Variants in RBM12B observed in about 807,000 individuals in gnomAD.
RBM12B encodes RNA binding motif protein 12B, also known as RNA-binding protein 12B.
A neutral mutation model predicts 34.3 loss-of-function variants in RBM12B; 10 were observed. That is an observed-to-expected ratio of 0.29 (90% CI 0.18 to 0.49). The LOEUF (loss-of-function observed/expected upper bound fraction) is 0.49, where lower values mean the gene tolerates loss of function less well. Ranked by LOEUF, RBM12B falls within the 20% of genes least tolerant of loss-of-function variation. The probability of loss-of-function intolerance (pLI) is 0.99; values close to 1 mark genes in which losing one functional copy is unlikely to be tolerated. For missense variants in RBM12B, 1,139 were observed against 1,262.7 expected (o/e 0.90, Z 1.48); for synonymous variants, 477 against 437.1 (o/e 1.09, Z -1.14).
Position 93,733,528 on chromosome 8 carries a change from C to T in RBM12B, c.2883G>A (p.Glu961=). ...IPDSVSIQYN[E]QGLPTGEAIV... ...TGGCTTCCCCTGTAGGTAAGCCTTG[C>T]TCATTATACTGTATCGAAACTGAAT... Residue 961 remains glutamate (E), a synonymous_variant, in exon 4 of 4, where the codon GAG becomes GAA. Coordinates refer to ENST00000520560, the MANE Select transcript of RBM12B (RefSeq NM_001377960.1). 1.2e-6 allele frequency: 2 copies of T among 1,612,808 alleles called. No individual in the cohort carries two copies. The highest frequency in any genetic ancestry group is 1.7e-6 in the Non-Finnish European group (2 of 1,179,124).
chr8:93,735,276 C>T lies in RBM12B; in HGVS notation c.1135G>A (p.Glu379Lys). Residue 379 changes from glutamate (E) to lysine (K), a missense_variant, in exon 4 of 4, where the codon GAG (glutamate) becomes AAG (lysine). Physicochemically the swap from Glu to Lys is moderately conservative, Grantham distance 56 (BLOSUM62 1). Coordinates refer to ENST00000520560, the MANE Select transcript of RBM12B (RefSeq NM_001377960.1). ...RYEKKRSGSL[E>K]RDRPGHVSQK... ...GAAACATGTCCGGGCCTATCTCTCT[C>T]TAGTGACCCTGATCTCTTCTTTTCA... is the stretch of plus-strand genomic sequence containing the variant. 1 of 1,614,030 alleles carries T rather than the reference C, an allele frequency of 6.2e-7. No homozygotes were observed.
At position 93,733,151 on chromosome 8, in the gene RBM12B, A is replaced by G. The variant is rs1811849278; in HGVS notation, c.*254T>C. The G allele has an allele frequency of 3.7e-6, 1 of 267,314 alleles. No individual in the cohort carries two copies. Among genetic ancestry groups the G allele is most frequent in the Non-Finnish European group, 6.9e-6 (1 of 144,110 alleles). The allele number at this position is 267,314 out of a possible 1,614,324, so 16.6% of individuals were successfully genotyped here. On this transcript the variant is annotated 3_prime_UTR_variant, in exon 4 of 4. Coordinates refer to ENST00000520560, the MANE Select transcript of RBM12B (RefSeq NM_001377960.1). ...GACATCAACAAAAATGAATGAACTC[A>G]GGGAATGAGTTCTTTCTCCCCATCA... is the stretch of plus-strand genomic sequence containing the variant.
In RBM12B at chr8:93,729,172, G is replaced by A. The variant is rs1235426112; in HGVS notation, c.*4233C>T. 4.6e-5 allele frequency: 7 copies of A among 151,916 alleles called. No homozygotes were observed. The East Asian group carries it at 5.8e-4, about 13-fold the overall frequency. 9.4% of individuals were successfully genotyped at this position (151,916 alleles called of 1,614,324 possible). ...TCCCAGGCAGGCATATAAAAGTTAC[G>A]GAATTTATAAAATCATTTGGGATAA... On this transcript the variant is annotated 3_prime_UTR_variant, in exon 4 of 4. Coordinates refer to ENST00000520560, the MANE Select transcript of RBM12B (RefSeq NM_001377960.1).
In RBM12B at chr8:93,733,452, T is replaced by G; in HGVS notation, c.2959A>C (p.Asn987His). The change falls in exon 4 of 4, where the codon AAT becomes CAT. Residue 987 changes from asparagine (N) to histidine (H), a missense_variant. Coordinates refer to ENST00000520560, the MANE Select transcript of RBM12B (RefSeq NM_001377960.1). The part of the protein sequence containing the change: ...NEAMAAIKDL[N>H]DRPVGPRKVK... ...TTTCGGGGCCCAACTGGCCTATCATTTAGATCTTTAATAGCAGCCATAGCT... is the reference window on the plus strand; with the variant it reads ...TTTCGGGGCCCAACTGGCCTATCATGTAGATCTTTAATAGCAGCCATAGCT... 2 of 1,574,126 alleles carry G rather than the reference T, an allele frequency of 1.3e-6. No individual in the cohort carries two copies. The highest frequency in any genetic ancestry group is 1.7e-6 in the Non-Finnish European group (2 of 1,161,060).
rs937363706 is a variant in RBM12B, at chr8:93,728,727, A to G, written c.*4678T>C. ...GAATTCTATTCCATGAAGCCTTAAG[A>G]AAAAAAACTTTTTTTAACTTTCCCT... On this transcript the variant is annotated 3_prime_UTR_variant, in exon 4 of 4. Coordinates refer to ENST00000520560, the MANE Select transcript of RBM12B (RefSeq NM_001377960.1). The G allele has an allele frequency of 3.9e-5, 6 of 152,058 alleles. No individual in the cohort carries two copies. The highest frequency in any genetic ancestry group is 1.2e-4 in the African/African-American group (5 of 41,368). The allele number at this position is 152,058 out of a possible 1,614,324, so 9.4% of individuals were successfully genotyped here. A position where few individuals can be genotyped will look rare whatever the true frequency, so the allele number is the denominator to read the frequency against.
In RBM12B at chr8:93,732,555, ATAAT is replaced by A. The variant is rs1811829003; in HGVS notation, c.*846_*849del. 1 of 152,206 alleles carries A rather than the reference ATAAT, an allele frequency of 6.6e-6. No individual in the cohort carries two copies. The highest frequency in any genetic ancestry group is 6.5e-5 in the Admixed American group (1 of 15,286). 9.4% of individuals were successfully genotyped at this position (152,206 alleles called of 1,614,324 possible). On this transcript the variant is annotated 3_prime_UTR_variant, in exon 4 of 4. Coordinates refer to ENST00000520560, the MANE Select transcript of RBM12B (RefSeq NM_001377960.1). ...CATAAGCCTGAGTCCCCTTGCACCT[ATAAT>A]TAGATTCTTATTTTACTATCTTTTG...
rs1812193888 is a variant in RBM12B at position 93,740,977 on chromosome 8, G to A, written c.-242C>T. Reference sequence around the variant, plus strand: ...AGGTAGACCCTCAGTGAGCCCAGAAGAAGATGGCGCCCACTGCCCCTCCGG... The same window carrying A: ...AGGTAGACCCTCAGTGAGCCCAGAAAAAGATGGCGCCCACTGCCCCTCCGG... On this transcript the variant is annotated 5_prime_UTR_variant, in exon 1 of 4. Coordinates refer to ENST00000520560, the MANE Select transcript of RBM12B (RefSeq NM_001377960.1). The A allele has an allele frequency of 5.7e-6, 1 of 175,022 alleles. No individual in the cohort carries two copies. The highest frequency in any genetic ancestry group is 2.4e-5 in the African/African-American group (1 of 41,778). 10.8% of individuals were successfully genotyped at this position (175,022 alleles called of 1,614,324 possible). A position where few individuals can be genotyped will look rare whatever the true frequency, so the allele number is the denominator to read the frequency against.
Position 93,730,080 on chromosome 8 carries a change from TC to T in RBM12B, c.*3324del, listed in dbSNP as rs1811728064. The T allele has an allele frequency of 6.6e-6, 1 of 152,214 alleles. No homozygotes were observed. Among genetic ancestry groups the T allele is most frequent in the African/African-American group, 2.4e-5 (1 of 41,452 alleles). 9.4% of individuals were successfully genotyped at this position (152,214 alleles called of 1,614,324 possible). A position where few individuals can be genotyped will look rare whatever the true frequency, so the allele number is the denominator to read the frequency against. On this transcript the variant is annotated 3_prime_UTR_variant, in exon 4 of 4. Transcript: ENST00000520560. The stretch of plus-strand genomic sequence containing the variant: ...TTGGCACTCAAAAAGTTTGTGATTT[TC>T]GGAGCATGTGAAATTTCAGATTACC...
Position 93,729,539 on chromosome 8 carries a change from T to C in RBM12B, c.*3866A>G, listed in dbSNP as rs1246576455. The C allele has an allele frequency of 6.6e-6, 1 of 152,174 alleles. No individual in the cohort carries two copies. The highest frequency in any genetic ancestry group is 1.5e-5 in the Non-Finnish European group (1 of 67,994). The allele number at this position is 152,174 out of a possible 1,614,324, so 9.4% of individuals were successfully genotyped here. On this transcript the variant is annotated 3_prime_UTR_variant, in exon 4 of 4. Transcript: ENST00000520560. ...CCTTGTTTGTAAAGTTAAAACTGCG[T>C]AAAACAGTAATTCTGGAATAAAACA...
In RBM12B at chr8:93,730,714, C is replaced by CTG. The variant is rs1554609533; in HGVS notation, c.*2690_*2691insCA. The CTG allele has an allele frequency of 6.6e-6, 1 of 151,848 alleles. No homozygotes were observed. The highest frequency in any genetic ancestry group is 1.5e-5 in the Non-Finnish European group (1 of 67,986). 9.4% of individuals were successfully genotyped at this position (151,848 alleles called of 1,614,324 possible). ...TGGCCAATTTGTTATTGACATATCA[C>CTG]TAAAGGCAGAGTTGGAGAGAGATGT... is the stretch of plus-strand genomic sequence containing the variant. On this transcript the variant is annotated 3_prime_UTR_variant, in exon 4 of 4. Coordinates refer to ENST00000520560, the MANE Select transcript of RBM12B (RefSeq NM_001377960.1).
chr8:93,734,399 G>C lies in RBM12B; in HGVS notation c.2012C>G (p.Pro671Arg). 6.2e-7 allele frequency: 1 copy of C among 1,612,434 alleles called. No individual in the cohort carries two copies. Among genetic ancestry groups the C allele is most frequent in the Non-Finnish European group, 8.5e-7 (1 of 1,179,546 alleles). Residue 671 changes from proline (P) to arginine (R), a missense_variant, in exon 4 of 4, where the codon CCT becomes CGT. Physicochemically the swap from Pro to Arg is moderately radical, Grantham distance 103 (BLOSUM62 -2). This residue lies in a region of RBM12B where 863 missense variants were observed against 869.5 expected (regional missense o/e 0.99). Transcript: ENST00000520560. ...TGGGGGCCGTCTCCAGTCCTCCTCA[G>C]GTGGCCGCCTGAAATCTTCCTCTGG... ...WLPEEDFRRP[P>R]EEDWRRPPEE...
At position 93,734,482 on chromosome 8, in the gene RBM12B, G is replaced by A. The variant is rs769272283; in HGVS notation, c.1929C>T (p.Phe643=). The A allele has an allele frequency of 6.2e-7, 1 of 1,607,764 alleles. No homozygotes were observed. Among genetic ancestry groups the A allele is most frequent in the South Asian group, 1.1e-5 (1 of 90,480 alleles). The change falls in exon 4 of 4, where the codon TTC becomes TTT. Residue 643 remains phenylalanine, a synonymous_variant. Transcript: ENST00000520560. ...TGAAGTCCTCCTCGGGGAGCTGCCT[G>A]AAGTCCTCCGTGGGAGACCGCCTGA... is the stretch of plus-strand genomic sequence containing the variant. ...EDFRRSPTED[F]RQLPEEDFRQ... is the part of the protein sequence containing the mutation.
chr8:93,736,555 A>G (rs1812028405), intron 3 of RBM12B, 117 bp from the exon 4 acceptor site: 1 of 758,946 alleles, frequency 1.3e-6, no homozygotes, highest in Non-Finnish European at 1.9e-6. Context: ...TGAAAACAAG[A>G]TACAAGTTCA....
chr8:93,733,893 C>T lies in RBM12B; in HGVS notation c.2518G>A (p.Asp840Asn). 1 of 1,613,306 alleles carries T rather than the reference C, an allele frequency of 6.2e-7. No homozygotes were observed. Among genetic ancestry groups the T allele is most frequent in the Non-Finnish European group, 8.5e-7 (1 of 1,179,782 alleles). Residue 840 changes from aspartate (D) to asparagine (N), a missense_variant, in exon 4 of 4, where the codon GAT becomes AAT. Physicochemically the swap from Asp to Asn is conservative, Grantham distance 23. Transcript: ENST00000520560. ...PQEEDFRCPS[D>N]EDFRQLPEED... ...TCTGGGAGCTGCCTGAAGTCCTCAT[C>T]AGAAGGGCATCTAAAATCTTCCTCC...
At chr8:93,738,526 A>G (rs1156922302) in intron 2 of RBM12B, among the ~76,000 whole-genome samples, 1 of 152,110 alleles carries the variant, frequency 6.6e-6, no homozygotes, top group East Asian at 1.9e-4. Flanking sequence ...CACTGGTGCG[A>G]TCTTGGCTCA....
rs1811746344 is a variant in RBM12B, at chr8:93,730,484, T to C, written c.*2921A>G. On this transcript the variant is annotated 3_prime_UTR_variant, in exon 4 of 4. Transcript: ENST00000520560. ...GAGAATACACCTCCAGTGTACCTGG[T>C]ATACCTTGAGGATAGGAGAGGAAAA... The C allele has an allele frequency of 6.6e-6, 1 of 152,218 alleles. No individual in the cohort carries two copies. Among genetic ancestry groups the C allele is most frequent in the African/African-American group, 2.4e-5 (1 of 41,456 alleles). 9.4% of individuals were successfully genotyped at this position (152,218 alleles called of 1,614,324 possible). A position where few individuals can be genotyped will look rare whatever the true frequency, so the allele number is the denominator to read the frequency against.
chr8:93,735,026 C>G lies in RBM12B; in HGVS notation c.1385G>C (p.Arg462Pro), dbSNP rs766728294. The G allele has an allele frequency of 1.2e-6, 2 of 1,613,914 alleles. No individual in the cohort carries two copies. The highest frequency in any genetic ancestry group is 1.7e-6 in the Non-Finnish European group (2 of 1,179,966). The stretch of plus-strand genomic sequence containing the variant: ...CACCTCTGTCCCTAGGAATCTTCGT[C>G]GGTTTAAACGTTCAGCTTTCATGGC... ...EQAMKAERLN[R>P]RRFLGTEVLL... Residue 462 changes from arginine (R) to proline (P), a missense_variant, in exon 4 of 4, where the codon CGA becomes CCA. By Grantham distance (103) the Arg-to-Pro change is moderately radical. Transcript: ENST00000520560.
rs1199579883 is a variant in RBM12B at position 93,732,303 on chromosome 8, T to C, written c.*1102A>G. The C allele has an allele frequency of 1.3e-5, 2 of 152,248 alleles. No individual in the cohort carries two copies. The highest frequency in any genetic ancestry group is 6.5e-5 in the Admixed American group (1 of 15,284). The allele number at this position is 152,248 out of a possible 1,614,324, so 9.4% of individuals were successfully genotyped here. ...TAATAAATGTTAGCCATAAATATTA[T>C]TGTGGGTATAGAAAATCAAATTCCC... On this transcript the variant is annotated 3_prime_UTR_variant, in exon 4 of 4. Transcript: ENST00000520560.
At position 93,734,344 on chromosome 8, in the gene RBM12B, T is replaced by C. The variant is rs758172837; in HGVS notation, c.2067A>G (p.Gly689=). 4.4e-6 allele frequency: 7 copies of C among 1,602,494 alleles called. No homozygotes were observed. The African/African-American group carries it at 8.5e-5, about 19-fold the overall frequency. Reference sequence around the variant, plus strand: ...CATCCTCGGGTGGTCGCCTCCATTCTCCCTGAAGAGGCCGCCTAAAGTCCT... The same window carrying C: ...CATCCTCGGGTGGTCGCCTCCATTCCCCCTGAAGAGGCCGCCTAAAGTCCT... The part of the protein sequence containing the change: ...PEEDFRRPLQ[G]EWRRPPEDDF... Residue 689 remains glycine, a synonymous_variant, in exon 4 of 4, where the codon GGA becomes GGG. Coordinates refer to ENST00000520560, the MANE Select transcript of RBM12B (RefSeq NM_001377960.1).
Sources: gnomAD v4.1 joint callset for allele counts (sites outside exome capture counted in the v4.1 genomes callset) on GRCh38, gnomAD v4.1.1 for gene constraint, gnomAD v4.1.1 regional missense constraint, MANE v1.5 for transcripts, NCBI Gene and HGNC (gene_info 2026-07-23, HGNC 2026-07-21) for gene names.